The following NDUFA7 variants were observed in gnomAD, a reference collection of about 807,000 sequenced individuals.
NDUFA7 encodes the protein NADH:ubiquinone oxidoreductase subunit A7.
NDUFA7 carries 18 observed loss-of-function variants against 14.2 expected under a neutral mutation model. The ratio of observed to expected loss-of-function variants is 1.27; its 90% CI spans 0.88 to 1.88. The LOEUF is 1.88. NDUFA7 is among the 40% of genes most tolerant of loss of function. The probability of loss-of-function intolerance (pLI) is 0.00; values close to 1 mark genes in which losing one functional copy is unlikely to be tolerated. For synonymous variants in NDUFA7, 75 were observed against 62.1 expected (o/e 1.21, Z -0.98); for missense variants, 172 against 147.3 (o/e 1.17, Z -0.87).
At position 8,318,830 on chromosome 19, in the gene NDUFA7, GT is replaced by G. The variant is rs892352899; in HGVS notation, c.101+2026del. Reference sequence around the variant, plus strand: ...TACTAAAAATACAAAAATTAGCTGGGTGTGGTGGTGCACGCCTGTAGCCCCA... The same window carrying G: ...TACTAAAAATACAAAAATTAGCTGGGGTGGTGGTGCACGCCTGTAGCCCCA... On this transcript the variant is annotated intron_variant, in intron 2 of 3. Transcript: ENST00000301457. 2.6e-5 allele frequency among the ~76,000 whole-genome samples: 4 copies of G among 151,584 alleles called. No individual in the cohort carries two copies. The East Asian group carries it at 7.8e-4, about 30-fold the overall frequency.
At chr19:8,316,778 G>T in intron 2 of NDUFA7, 133 bp from the exon 3 acceptor site, 2 of 1,087,652 alleles carry the variant, frequency 1.8e-6, no homozygotes, top group Non-Finnish European at 2.7e-6. Context: ...GGCTGGGGGT[G>T]TCCCTTGGTA....
downstream of NDUFA7, among the ~76,000 whole-genome samples, chr19:8,309,866 C>T (rs1288199860): frequency 6.6e-6 from 1 of 152,188 alleles, no homozygotes; most frequent in Non-Finnish European, 1.5e-5. Flanking sequence ...CAGACTTGGA[C>T]ACCCTCCCTT....
chr19:8,315,556 C>T (rs917202195), intron 3 of NDUFA7, among the ~76,000 whole-genome samples: 12 of 152,128 alleles, frequency 7.9e-5, no homozygotes, highest in African/African-American at 2.9e-4. Context: ...GACTTTTGTT[C>T]ACGTGTTTAC....
Position 8,321,320 on chromosome 19 carries a change from G to T in NDUFA7, c.39C>A (p.Asn13Lys). ...CCGCCCCGCGCACCCCGGACGCCCA[G>T]TTCCGCAGCCGCTGGATGAGACGGG... ...SATRLIQRLR[N>K]WASGHDLQGK... Residue 13 changes from asparagine to lysine, a missense_variant, in exon 1 of 4, where the codon AAC (asparagine) becomes AAA (lysine). Coordinates refer to ENST00000301457, the MANE Select transcript of NDUFA7 (RefSeq NM_005001.5). 1 of 1,578,398 alleles carries T rather than the reference G, an allele frequency of 6.3e-7. No individual in the cohort carries two copies.
At chr19:8,321,110 A>G in intron 1 of NDUFA7, 198 bp downstream of exon 1, 1 of 873,422 alleles carries the variant, frequency 1.1e-6, no homozygotes, top group Non-Finnish European at 1.7e-6. Flanking sequence ...AAGGTCGGGG[A>G]CTGGGGAAAT....
downstream of NDUFA7, among the ~76,000 whole-genome samples, chr19:8,309,675 C>T (rs935826295): frequency 6.6e-6 from 1 of 152,106 alleles, no homozygotes; most frequent in African/African-American, 2.4e-5. Flanking sequence ...TTGTAGGACC[C>T]ACTCTGGGAC....
chr19:8,310,515 A>C (rs1015982750), downstream of NDUFA7: 3 of 151,808 alleles, frequency 2.0e-5, no homozygotes, highest in East Asian at 5.8e-4. Flanking sequence ...TGGTCTTCAC[A>C]ATCAATGCTC....
At chr19:8,316,372 G>A (rs1970233541) in intron 3 of NDUFA7, 124 bp downstream of exon 3, 4 of 1,389,830 alleles carry the variant, frequency 2.9e-6, no homozygotes, top group Non-Finnish European at 3.9e-6. Flanking sequence ...CAGCAGCACA[G>A]TTCCTGCGCA....
chr19:8,310,968 C>T (rs1369796031), downstream of NDUFA7, among the ~76,000 whole-genome samples: 2 of 152,052 alleles, frequency 1.3e-5, no homozygotes, highest in African/African-American at 2.4e-5. Flanking sequence ...GACCTGAGAT[C>T]GTGCCGTTGC....
downstream of NDUFA7, chr19:8,311,202 G>A (rs528032880): frequency 5.1e-6 from 1 of 196,024 alleles, no homozygotes; most frequent in East Asian, 1.6e-4. Flanking sequence ...GCTACAGGGT[G>A]ACCAAGGTCA....
intron 3 of NDUFA7, among the ~76,000 whole-genome samples, chr19:8,314,651 C>T (rs1247705680): frequency 1.3e-5 from 2 of 152,174 alleles, no homozygotes; most frequent in Non-Finnish European, 2.9e-5. Context: ...TGGTGGCTCA[C>T]GCCTGTAATC....
chr19:8,308,987 G>C (rs1970141111), downstream of NDUFA7: 1 of 151,928 alleles, frequency 6.6e-6, no homozygotes, highest in East Asian at 1.9e-4. Context: ...TTGGGAAGCA[G>C]AGGCGGGCAG....
chr19:8,314,763 C>T (rs1049176570), intron 3 of NDUFA7, among the ~76,000 whole-genome samples: 1 of 152,060 alleles, frequency 6.6e-6, no homozygotes, highest in Non-Finnish European at 1.5e-5. Context: ...AATACAAAAA[C>T]TTAGCCAGGT....
rs762605894 is a variant in NDUFA7 at position 8,311,544 on chromosome 19, T to C, written c.303A>G (p.Ile101Met). Reference protein sequence around the residue: ...EKKAVTPAPPIKRWELSSDQP... With the variant: ...EKKAVTPAPPMKRWELSSDQP... ...GGTCCGAGGACAGCTCCCACCTCTT[T>C]ATGGGAGGAGCTGGAGTCACCGCCT... Residue 101 changes from isoleucine to methionine, a missense_variant, in exon 4 of 4, where the codon ATA (isoleucine) becomes ATG (methionine). Coordinates refer to ENST00000301457, the MANE Select transcript of NDUFA7 (RefSeq NM_005001.5). 3.1e-6 allele frequency: 5 copies of C among 1,612,628 alleles called. No individual in the cohort carries two copies. The highest frequency in any genetic ancestry group is 4.2e-6 in the Non-Finnish European group (5 of 1,179,412).
intron 3 of NDUFA7, 78 bp downstream of exon 3, chr19:8,316,418 C>A: frequency 6.4e-7 from 1 of 1,569,052 alleles, no homozygotes; most frequent in Non-Finnish European, 8.7e-7. Context: ...GACAAGCACC[C>A]TTTCCACAAG....
intron 3 of NDUFA7, among the ~76,000 whole-genome samples, chr19:8,315,689 G>A (rs1217186126): frequency 1.3e-5 from 2 of 152,032 alleles, no homozygotes; most frequent in Non-Finnish European, 2.9e-5. Flanking sequence ...TCCGTATGCT[G>A]AGCGCTGGTC....
Position 8,311,490 on chromosome 19 carries a change from C to A in NDUFA7, c.*15G>T. 1 of 1,584,260 alleles carries A rather than the reference C, an allele frequency of 6.3e-7. No homozygotes were observed. The highest frequency in any genetic ancestry group is 8.6e-7 in the Non-Finnish European group (1 of 1,162,840). On this transcript the variant is annotated 3_prime_UTR_variant, in exon 4 of 4. Transcript: ENST00000301457. ...CAAGGAGGCAAAGTAGTCGGGTGGCCGTGAGGGTGCAGTGTCACAGGTAAG... is the reference window on the plus strand; with the variant it reads ...CAAGGAGGCAAAGTAGTCGGGTGGCAGTGAGGGTGCAGTGTCACAGGTAAG...
At chr19:8,315,622 C>T (rs1162061343) in intron 3 of NDUFA7, among the ~76,000 whole-genome samples, 1 of 152,166 alleles carries the variant, frequency 6.6e-6, no homozygotes. Context: ...CCCTCTCACA[C>T]ATCACACCCA....
intron 1 of NDUFA7, 74 bp from the exon 2 acceptor site, chr19:8,320,980 G>C: frequency 6.6e-7 from 1 of 1,517,428 alleles, no homozygotes; most frequent in Admixed American, 1.7e-5. Flanking sequence ...CAAGGGACCA[G>C]GGATGGTCCG....
Sources: allele counts gnomAD v4.1 joint callset (sites outside exome capture counted in the v4.1 genomes callset), GRCh38; gene constraint gnomAD v4.1.1; transcripts MANE v1.5; gene names NCBI Gene and HGNC (gene_info 2026-07-23, HGNC 2026-07-21).